The following FUT8 variants were observed in gnomAD, a reference collection of about 807,000 sequenced individuals.
The protein encoded by FUT8 is alpha-(1,6)-fucosyltransferase.
In FUT8, 29 loss-of-function variants were observed where a neutral mutation model predicts 71.3. That is an observed-to-expected ratio of 0.41 (90% CI 0.30 to 0.55). The LOEUF (loss-of-function observed/expected upper bound fraction) is 0.55. Among genes scored for constraint, FUT8 ranks in the 20% least tolerant of loss-of-function variants. The pLI is 0.34. For missense variants in FUT8, 544 were observed against 702.1 expected (o/e 0.77, Z 2.55); for synonymous variants, 254 against 239.3 (o/e 1.06, Z -0.57).
chr14:65,742,224 A>T lies in FUT8; in HGVS notation c.1542A>T (p.Gln514His), dbSNP rs1322399353. The T allele has an allele frequency of 6.2e-7, 1 of 1,612,992 alleles. No individual in the cohort carries two copies. Among genetic ancestry groups the T allele is most frequent in the South Asian group, 1.1e-5 (1 of 91,058 alleles). ...AHNQIAIYAH[Q>H]PRTADEIPME... ...ATCAAATTGCCATTTATGCTCACCA[A>T]CCCCGAACTGCAGATGAAATTCCCA... Residue 514 changes from glutamine to histidine, a missense_variant, in exon 11 of 11, where the codon CAA (glutamine) becomes CAT (histidine). Physicochemically the swap from Gln to His is conservative, Grantham distance 24. Coordinates refer to ENST00000673929, the MANE Select transcript of FUT8 (RefSeq NM_001371533.1).
At chr14:65,530,207 C>A (rs1429754570) in intron 2 of FUT8, among the ~76,000 whole-genome samples, 1 of 152,128 alleles carries the variant, frequency 6.6e-6, no homozygotes, top group South Asian at 2.1e-4. Context: ...AGCAATGGCA[C>A]TAGATTCTAT....
upstream of FUT8, chr14:65,411,823 G>A (rs1304085893): frequency 2.9e-6 from 1 of 341,802 alleles, no homozygotes; most frequent in East Asian, 8.7e-5. Flanking sequence ...CACTCACGCG[G>A]CGCGCAGCTC....
In FUT8 at chr14:65,669,933, C is replaced by A. The variant is rs1473725175; in HGVS notation, c.835+453C>A. ...CTGTTAAGGAAGGTCTAGGCTGCAG[C>A]CTGAGAGTTTTAATATCTGACAAAA... On this transcript the variant is annotated intron_variant, in intron 7 of 10. Coordinates refer to ENST00000673929, the MANE Select transcript of FUT8 (RefSeq NM_001371533.1). The surrounding 1 kb of genome is among the most constrained non-coding windows in gnomAD (Gnocchi z 4.5). Among the ~76,000 whole-genome samples, 3 of 152,098 alleles carry A rather than the reference C, an allele frequency of 2.0e-5. No homozygotes were observed. In the East Asian group the frequency reaches 5.8e-4, roughly 29 times the overall value.
chr14:65,659,075 TA>T (rs543185416), intron 6 of FUT8, among the ~76,000 whole-genome samples: 2 of 151,956 alleles, frequency 1.3e-5, no homozygotes, highest in Non-Finnish European at 1.5e-5. Flanking sequence ...AAAATAAAAG[TA>T]AAAAAATACA....
At chr14:65,447,571 A>ATTTTTTCAAATACATACAT in intron 1 of FUT8, among the ~76,000 whole-genome samples, 1 of 151,998 alleles carries the variant, frequency 6.6e-6, no homozygotes, top group East Asian at 1.9e-4. Flanking sequence ...ACAAGATACC[A>ATTTTTTCAAATACATACAT]TTTTTTCAAA....
chr14:65,596,724 C>G (rs978331518), intron 3 of FUT8, among the ~76,000 whole-genome samples: 1 of 149,114 alleles, frequency 6.7e-6, no homozygotes, highest in Non-Finnish European at 1.5e-5. Context: ...TGATATAACA[C>G]TTTTTTTTTT....
chr14:65,501,753 C>G (rs914631063), intron 2 of FUT8, among the ~76,000 whole-genome samples: 2 of 152,110 alleles, frequency 1.3e-5, no homozygotes, highest in Non-Finnish European at 2.9e-5. Context: ...GGCCTTTGGT[C>G]TCTTGGTCTC....
chr14:65,632,595 C>A (rs1016073273), intron 6 of FUT8, among the ~76,000 whole-genome samples: 1 of 151,634 alleles, frequency 6.6e-6, no homozygotes, highest in Non-Finnish European at 1.5e-5. Context: ...GGTTTGAGTT[C>A]TTTGTAGATT....
chr14:65,498,508 T>G (rs1307347137), intron 2 of FUT8, among the ~76,000 whole-genome samples: 1 of 152,186 alleles, frequency 6.6e-6, no homozygotes, highest in Non-Finnish European at 1.5e-5. Context: ...TTGTATGCTT[T>G]TTTTTTGGAA....
chr14:65,573,753 A>T (rs1201844053), intron 3 of FUT8, among the ~76,000 whole-genome samples: 1 of 150,658 alleles, frequency 6.6e-6, no homozygotes, highest in East Asian at 1.9e-4. Flanking sequence ...AAAAAAAAAT[A>T]GGGCGTCAGG....
At chr14:65,532,250 G>A (rs1375474645) in intron 2 of FUT8, among the ~76,000 whole-genome samples, 6 of 152,132 alleles carry the variant, frequency 3.9e-5, no homozygotes, top group African/African-American at 1.4e-4. Context: ...CAGTGTGTAA[G>A]CATTCTCTTT....
At chr14:65,430,409 A>ATTATATGTATT (rs1447519291) in intron 1 of FUT8, 1 of 152,192 alleles carries the variant, frequency 6.6e-6, no homozygotes, top group African/African-American at 2.4e-5. Flanking sequence ...AAAATACTGA[A>ATTATATGTATT]ATATGAGTTG....
At chr14:65,396,423 GA>G in the FUT8 span, among the ~76,000 whole-genome samples, 1 of 152,214 alleles carries the variant, frequency 6.6e-6, no homozygotes, top group African/African-American at 2.4e-5. This position sits in a 1 kb window ranked among gnomAD's most constrained non-coding sequence, Gnocchi z 5.5. Flanking sequence ...GGCAGAAGGT[GA>G]AAGGCATGTC....
At chr14:65,535,340 A>T (rs1255018071) in intron 2 of FUT8, among the ~76,000 whole-genome samples, 1 of 152,076 alleles carries the variant, frequency 6.6e-6, no homozygotes, top group African/African-American at 2.4e-5. Context: ...GCCTCAAGTG[A>T]TCTGCCTGCC....
chr14:65,742,761 A>G lies in FUT8; in HGVS notation c.*351A>G. ...AGACATTTTGTGTGAGACTTAAAAC[A>G]TGGTGCCTATATCTGAGAGACCTGT... On this transcript the variant is annotated 3_prime_UTR_variant, in exon 11 of 11. Transcript: ENST00000673929. 2 of 211,752 alleles carry G rather than the reference A, an allele frequency of 9.4e-6. No individual in the cohort carries two copies. The highest frequency in any genetic ancestry group is 1.9e-5 in the Non-Finnish European group (2 of 103,510). The allele number at this position is 211,752 out of a possible 1,614,324, so 13.1% of individuals were successfully genotyped here.
At chr14:65,521,069 T>A (rs1228919818) in intron 2 of FUT8, among the ~76,000 whole-genome samples, 3 of 152,178 alleles carry the variant, frequency 2.0e-5, no homozygotes, top group Non-Finnish European at 4.4e-5. Flanking sequence ...GAATAATGTA[T>A]CTCATTTTCG....
chr14:65,477,919 C>T (rs919944592), intron 2 of FUT8, among the ~76,000 whole-genome samples: 12 of 151,282 alleles, frequency 7.9e-5, no homozygotes, highest in Non-Finnish European at 1.5e-4. Flanking sequence ...ATGGTTTAAA[C>T]GTTACGAGGC....
the FUT8 span, among the ~76,000 whole-genome samples, chr14:65,358,597 G>A: frequency 6.6e-6 from 1 of 151,992 alleles, no homozygotes; most frequent in Non-Finnish European, 1.5e-5. Flanking sequence ...GGGACTACAG[G>A]TGCATGCCCG....
chr14:65,530,104 G>A (rs1037773105), intron 2 of FUT8, among the ~76,000 whole-genome samples: 1 of 152,022 alleles, frequency 6.6e-6, no homozygotes, highest in African/African-American at 2.4e-5. Context: ...AAGAAAATAG[G>A]TCTTTCTGTA....
Sources: allele counts gnomAD v4.1 joint callset (sites outside exome capture counted in the v4.1 genomes callset), GRCh38; gene constraint gnomAD v4.1.1; non-coding constraint Gnocchi (gnomAD v3.1); transcripts MANE v1.5; gene names NCBI Gene and HGNC (gene_info 2026-07-23, HGNC 2026-07-21).